Variants in ADCY2 observed in about 807,000 individuals in gnomAD.
ADCY2 encodes the protein adenylate cyclase 2, also known as adenylate cyclase type 2.
ADCY2 carries 31 observed loss-of-function variants against 125.2 expected under a neutral mutation model. That is an observed-to-expected ratio of 0.25 (90% CI 0.19 to 0.33). The LOEUF is 0.33. Ranked by LOEUF, ADCY2 falls within the 10% of genes least tolerant of loss-of-function variation. The pLI is 1.00. For missense variants in ADCY2, 904 were observed against 1,418.2 expected (o/e 0.64, Z 5.82); for synonymous variants, 512 against 548.4 (o/e 0.93, Z 0.93).
At chr5:7,589,457 A>AAAAAGAAAGAAAGAAAG (rs1736746459) in intron 3 of ADCY2, among the ~76,000 whole-genome samples, 2 of 79,754 alleles carry the variant, frequency 2.5e-5, no homozygotes, top group African/African-American at 9.3e-5. Context: ...AGAAGGAAAG[A>AAAAAGAAAGAAAGAAAG]AAAAGAAAGA....
At chr5:7,739,431 A>G (rs1027978652) in intron 14 of ADCY2, among the ~76,000 whole-genome samples, 13 of 152,026 alleles carry the variant, frequency 8.6e-5, no homozygotes, top group African/African-American at 2.9e-4. Context: ...TTAGGGGGGA[A>G]TTTGTAGCTT....
At chr5:7,476,989 T>C (rs1424760665) in intron 2 of ADCY2, among the ~76,000 whole-genome samples, 1 of 152,194 alleles carries the variant, frequency 6.6e-6, no homozygotes, top group Admixed American at 6.5e-5. Context: ...AATATTACTT[T>C]GTGTCCAAGA....
At chr5:7,581,717 A>T (rs1736440069) in intron 3 of ADCY2, among the ~76,000 whole-genome samples, 1 of 151,386 alleles carries the variant, frequency 6.6e-6, no homozygotes, top group South Asian at 2.1e-4. Context: ...GCTACTTGGG[A>T]GGCTGAGGCA....
chr5:7,520,173 G>C (rs926733450), intron 2 of ADCY2, among the ~76,000 whole-genome samples: 2 of 152,156 alleles, frequency 1.3e-5, no homozygotes, highest in Non-Finnish European at 2.9e-5. Context: ...ATACACAGGA[G>C]TAGAACTGCT....
chr5:7,708,928 C>G (rs1252978862), intron 9 of ADCY2, among the ~76,000 whole-genome samples: 1 of 152,190 alleles, frequency 6.6e-6, no homozygotes, highest in Non-Finnish European at 1.5e-5. Context: ...CTAAACAGAT[C>G]AGCACATTCT....
chr5:7,518,105 CACA>C (rs1744315340), intron 2 of ADCY2, among the ~76,000 whole-genome samples: 1 of 152,128 alleles, frequency 6.6e-6, no homozygotes, highest in African/African-American at 2.4e-5. Flanking sequence ...GCTATAAATA[CACA>C]ACAATTGATT....
intron 14 of ADCY2, among the ~76,000 whole-genome samples, chr5:7,738,850 T>C (rs1742326850): frequency 6.6e-6 from 1 of 151,934 alleles, no homozygotes; most frequent in African/African-American, 2.4e-5. Context: ...AATGTGCTTA[T>C]ACCTAATAAC....
chr5:7,768,369 G>T (rs1229983608), intron 17 of ADCY2, among the ~76,000 whole-genome samples: 4 of 152,108 alleles, frequency 2.6e-5, no homozygotes. Flanking sequence ...TTAAATTAAC[G>T]GTGTGGCCTG....
intron 1 of ADCY2, among the ~76,000 whole-genome samples, chr5:7,403,865 G>A (rs2111444474): frequency 6.6e-6 from 1 of 150,830 alleles, no homozygotes; most frequent in Middle Eastern, 3.5e-3. Flanking sequence ...TCTACATATG[G>A]TTGGCTGGTT....
At chr5:7,807,031 A>G (rs568826664) in intron 22 of ADCY2, among the ~76,000 whole-genome samples, 2 of 152,160 alleles carry the variant, frequency 1.3e-5, no homozygotes, top group African/African-American at 4.8e-5. Flanking sequence ...CATCAGGAGC[A>G]CTTCACCTGA....
intron 24 of ADCY2, among the ~76,000 whole-genome samples, chr5:7,826,428 G>C (rs2126546805): frequency 6.6e-6 from 1 of 152,256 alleles, no homozygotes; most frequent in East Asian, 1.9e-4. Flanking sequence ...TGGGTGAAAT[G>C]GTTTGACATT....
Position 7,575,755 on chromosome 5 carries a change from C to G in ADCY2, c.571-50412C>G, listed in dbSNP as rs1364780024. On this transcript the variant is annotated intron_variant, in intron 3 of 24. Coordinates refer to ENST00000338316, the MANE Select transcript of ADCY2 (RefSeq NM_020546.3). ...GTAATTTAAACTGTATTTTTATATT[C>G]AAATATGTACCATCAACCAACCTTA... 3.3e-5 allele frequency among the ~76,000 whole-genome samples: 5 copies of G among 151,920 alleles called. No homozygotes were observed. In the East Asian group the frequency reaches 9.7e-4, roughly 29 times the overall value.
chr5:7,447,204 C>T (rs768006467), intron 2 of ADCY2, among the ~76,000 whole-genome samples: 2 of 152,046 alleles, frequency 1.3e-5, no homozygotes, highest in Non-Finnish European at 2.9e-5. Flanking sequence ...AACAAAATCC[C>T]CCAAGCTCTT....
chr5:7,804,040 A>AAGAGAGAGAGAGAGAGAGAGAGAGAG lies in ADCY2; in HGVS notation c.2776-536_2776-511dup, dbSNP rs57193249. Among the ~76,000 whole-genome samples, 557 of 106,472 alleles carry AAGAGAGAGAGAGAGAGAGAGAGAGAG rather than the reference A, an allele frequency of 5.2e-3. 42 individuals carry two copies. The highest frequency in any genetic ancestry group is 7.2e-3 in the Middle Eastern group (1 of 138). The allele number at this position is 106,472 out of a possible 152,430, so 69.8% of individuals were successfully genotyped here. On this transcript the variant is annotated intron_variant, in intron 21 of 24. Transcript: ENST00000338316. The stretch of plus-strand genomic sequence containing the variant: ...TCTTAGGCCTCCCATGGAGGGGGGA[A>AAGAGAGAGAGAGAGAGAGAGAGAGAG]AGAGAGAGAGAGAGAGAGAGAGAGA...
chr5:7,544,340 G>A (rs1735087128), intron 3 of ADCY2, among the ~76,000 whole-genome samples: 1 of 152,218 alleles, frequency 6.6e-6, no homozygotes, highest in African/African-American at 2.4e-5. Context: ...TTGGGGTAAA[G>A]TCAAGGTGTT....
At chr5:7,611,978 C>G (rs1561124630) in intron 3 of ADCY2, among the ~76,000 whole-genome samples, 1 of 152,120 alleles carries the variant, frequency 6.6e-6, no homozygotes, top group Non-Finnish European at 1.5e-5. Context: ...GTAAAAGTCT[C>G]AGAGTAATAA....
At chr5:7,717,624 G>A (rs983643124) in intron 12 of ADCY2, among the ~76,000 whole-genome samples, 2 of 152,176 alleles carry the variant, frequency 1.3e-5, no homozygotes, top group East Asian at 1.9e-4. Context: ...TTAATGTTGA[G>A]ATACCTGTGT....
At chr5:7,458,282 A>G (rs544614187) in intron 2 of ADCY2, among the ~76,000 whole-genome samples, 3 of 152,344 alleles carry the variant, frequency 2.0e-5, no homozygotes, top group Admixed American at 6.5e-5. Flanking sequence ...TACAAATACA[A>G]CAGTTTTGAA....
chr5:7,801,980 G>T, intron 20 of ADCY2: 1 of 466,974 alleles, frequency 2.1e-6, no homozygotes, highest in Non-Finnish European at 3.8e-6. Context: ...TGACAGAGAG[G>T]TTTAACTGGC....
Sources: gnomAD v4.1 joint callset for allele counts (sites outside exome capture counted in the v4.1 genomes callset) on GRCh38, gnomAD v4.1.1 for gene constraint, MANE v1.5 for transcripts, NCBI Gene and HGNC (gene_info 2026-07-23, HGNC 2026-07-21) for gene names.